DNMT1: variants seen among roughly 807,000 people sequenced by gnomAD.
DNMT1 encodes the protein DNA methyltransferase 1.
Under a neutral mutation model 205.3 loss-of-function variants are expected in DNMT1, and 24 were observed. The observed-to-expected ratio is 0.12, with a 90% CI of 0.08 to 0.16. The LOEUF (loss-of-function observed/expected upper bound fraction) is 0.16. Ranked by LOEUF, DNMT1 falls within the 10% of genes least tolerant of loss-of-function variation. DNMT1 has a pLI of 1.00. For synonymous variants in DNMT1, 817 were observed against 839.8 expected (o/e 0.97, Z 0.47); for missense variants, 1,293 against 2,177.7 (o/e 0.59, Z 8.09).
chr19:10,157,775 C>G (rs2038488340), intron 17 of DNMT1, among the ~76,000 whole-genome samples: 1 of 152,200 alleles, frequency 6.6e-6, no homozygotes, highest in South Asian at 2.1e-4. Context: ...GAAGAAGAGA[C>G]AGAGAGATGA....
At chr19:10,187,822 G>A (rs989008895) in intron 1 of DNMT1, among the ~76,000 whole-genome samples, 22 of 152,010 alleles carry the variant, frequency 1.4e-4, no homozygotes, top group African/African-American at 4.3e-4. Flanking sequence ...GAGCAACACA[G>A]CGAGACCCTG....
intron 38 of DNMT1, 47 bp from the exon 39 acceptor site, chr19:10,135,899 G>C (rs144703096): frequency 1.3e-6 from 2 of 1,531,100 alleles, no homozygotes; most frequent in Non-Finnish European, 1.8e-6. Flanking sequence ...ACCCAGGCCG[G>C]GTCACCGTCG....
intron 2 of DNMT1, among the ~76,000 whole-genome samples, chr19:10,181,286 A>G (rs186819865): frequency 2.0e-5 from 3 of 152,158 alleles, no homozygotes; most frequent in African/African-American, 4.8e-5. Flanking sequence ...CATCTTTACA[A>G]AAAATATTTA....
chr19:10,139,005 G>A (rs935800464), intron 34 of DNMT1, among the ~76,000 whole-genome samples: 6 of 152,328 alleles, frequency 3.9e-5, no homozygotes, highest in African/African-American at 1.2e-4. Context: ...AGCCTGAGTC[G>A]CCCTGAGGCT....
At chr19:10,169,754 A>C (rs537071033) in intron 9 of DNMT1, among the ~76,000 whole-genome samples, 7 of 152,254 alleles carry the variant, frequency 4.6e-5, no homozygotes, top group African/African-American at 1.7e-4. Flanking sequence ...CGACAGAGTG[A>C]GACTCCGTCT....
chr19:10,143,978 C>G lies in DNMT1; in HGVS notation c.2904G>C (p.Leu968=), dbSNP rs746458713. ...TCCGTGGGCGTTTCACGGGACTGGACAGCTTGATGCTGCAGAGAAGCACCC... is the reference window on the plus strand; with the variant it reads ...TCCGTGGGCGTTTCACGGGACTGGAGAGCTTGATGCTGCAGAGAAGCACCC... The part of the protein sequence containing the change: ...PPEAFTFNIK[L]SSPVKRPRKE... The change falls in exon 29 of 41, where the codon CTG becomes CTC. Residue 968 remains leucine (L), a synonymous_variant. Transcript: ENST00000359526. 1.2e-6 allele frequency: 2 copies of G among 1,613,726 alleles called. No individual in the cohort carries two copies. Among genetic ancestry groups the G allele is most frequent in the South Asian group, 1.1e-5 (1 of 91,078 alleles).
At chr19:10,179,990 T>TAAAA (rs76071650) in intron 5 of DNMT1, 197 bp downstream of exon 5, 31 of 183,086 alleles carry the variant, frequency 1.7e-4, no homozygotes, top group East Asian at 2.9e-4. Flanking sequence ...ACTCTGTCAT[T>TAAAA]AAAAAAAAAA....
intron 27 of DNMT1, 121 bp downstream of exon 27, chr19:10,148,762 AC>A: frequency 6.4e-7 from 1 of 1,557,920 alleles, no homozygotes. Flanking sequence ...CTGGCCTTTG[AC>A]GAGCAAGAGA....
rs76015322 is a variant in DNMT1 at position 10,136,563 on chromosome 19, A to T, written c.4490-276T>A. 2.5e-3 allele frequency among the ~76,000 whole-genome samples: 384 copies of T among 151,436 alleles called. 9 individuals are homozygous for T. The East Asian group carries it at 0.058, about 23-fold the overall frequency. Reference sequence around the variant, plus strand: ...CGATTCTCCTGCCTCAGCCTCCCAAATAGCTGGGATTATAGGCGTGCGACA... The same window carrying T: ...CGATTCTCCTGCCTCAGCCTCCCAATTAGCTGGGATTATAGGCGTGCGACA... On this transcript the variant is annotated intron_variant, in intron 37 of 40. Coordinates refer to ENST00000359526, the MANE Select transcript of DNMT1 (RefSeq NM_001130823.3).
intron 14 of DNMT1, 30 bp from the exon 15 acceptor site, chr19:10,160,093 T>C (rs1431348556): frequency 6.2e-7 from 1 of 1,611,446 alleles, no homozygotes; most frequent in Non-Finnish European, 8.5e-7. Flanking sequence ...CACAAGATCG[T>C]TTGTTTAATT....
intron 1 of DNMT1, 146 bp from the exon 2 acceptor site, chr19:10,182,223 C>A: frequency 2.5e-6 from 2 of 789,420 alleles, no homozygotes; most frequent in South Asian, 1.5e-5. Context: ...CTTTTGTCTC[C>A]CCGCAAGAGT....
At chr19:10,142,305 C>A in intron 29 of DNMT1, 85 bp from the exon 30 acceptor site, 1 of 1,583,102 alleles carries the variant, frequency 6.3e-7, no homozygotes, top group South Asian at 1.1e-5. Context: ...CTGGGGTGCT[C>A]AGGGAACTGC....
intron 10 of DNMT1, 115 bp downstream of exon 10, chr19:10,168,215 T>C: frequency 8.3e-7 from 1 of 1,210,512 alleles, no homozygotes; most frequent in Non-Finnish European, 1.2e-6. Context: ...CTTGCCCACA[T>C]AAGAGACATA....
chr19:10,172,787 C>G (rs765073654), intron 9 of DNMT1, among the ~76,000 whole-genome samples: 5 of 151,990 alleles, frequency 3.3e-5, no homozygotes, highest in Admixed American at 6.6e-5. Context: ...TGTACTCATT[C>G]CAGCCTGGGT....
Position 10,142,010 on chromosome 19 carries a change from A to G in DNMT1, c.3309+18T>C. The stretch of plus-strand genomic sequence containing the variant: ...ACTTTGACCCCGAAGCCTTCCCTCT[A>G]GCAAGCAGGGGCACCACCTCGAGGA... On this transcript the variant is annotated intron_variant, in intron 30 of 40. Coordinates refer to ENST00000359526, the MANE Select transcript of DNMT1 (RefSeq NM_001130823.3). 4 of 1,611,368 alleles carry G rather than the reference A, an allele frequency of 2.5e-6. No individual in the cohort carries two copies. The highest frequency in any genetic ancestry group is 3.4e-6 in the Non-Finnish European group (4 of 1,178,430).
Position 10,149,437 on chromosome 19 carries a change from G to A in DNMT1, c.2586+16C>T. 6 of 1,614,056 alleles carry A rather than the reference G, an allele frequency of 3.7e-6. No individual in the cohort carries two copies. The highest frequency in any genetic ancestry group is 5.1e-6 in the Non-Finnish European group (6 of 1,179,962). ...CACGATAAGGCAGGGGCTCACGAGG[G>A]ACACCAGGCACTCACCTCCATGGCC... On this transcript the variant is annotated intron_variant, in intron 26 of 40. Transcript: ENST00000359526.
At chr19:10,174,569 G>A (rs989502998) in intron 7 of DNMT1, among the ~76,000 whole-genome samples, 6 of 151,982 alleles carry the variant, frequency 3.9e-5, no homozygotes, top group Non-Finnish European at 7.4e-5. Flanking sequence ...AGCTGGGTAT[G>A]ATGGCACATG....
intron 1 of DNMT1, among the ~76,000 whole-genome samples, chr19:10,189,864 AG>A (rs1372960637): frequency 1.3e-5 from 2 of 152,182 alleles, no homozygotes; most frequent in Non-Finnish European, 2.9e-5. Context: ...CCAGTGATGA[AG>A]GGCTTTGGAC....
At chr19:10,148,495 CAAAA>C (rs1222064600) in intron 27 of DNMT1, among the ~76,000 whole-genome samples, 1 of 58,548 alleles carries the variant, frequency 1.7e-5, no homozygotes, top group Non-Finnish European at 3.4e-5. Flanking sequence ...GACTCCGTCT[CAAAA>C]AAAAAAAAAG....
Sources: gnomAD v4.1 joint callset for allele counts (sites outside exome capture counted in the v4.1 genomes callset) on GRCh38, gnomAD v4.1.1 for gene constraint, MANE v1.5 for transcripts, NCBI Gene and HGNC (gene_info 2026-07-23, HGNC 2026-07-21) for gene names.